DLST: variants seen among roughly 807,000 people sequenced by gnomAD.
The protein encoded by DLST is dihydrolipoyllysine-residue succinyltransferase component of 2-oxoglutarate dehydrogenase complex, mitochondrial.
DLST carries 17 observed loss-of-function variants against 53.1 expected under a neutral mutation model. That is an observed-to-expected ratio of 0.32 (90% CI 0.22 to 0.48). DLST has a LOEUF of 0.48. DLST is among the 20% of genes least tolerant of loss of function. DLST has a pLI of 0.99. For synonymous variants in DLST, 206 were observed against 204.8 expected, an observed-to-expected ratio of 1.01 and a Z score of -0.05; for missense variants, 512 against 583.9, an observed-to-expected ratio of 0.88 and a Z score of 1.27.
chr14:74,890,093 A>AT (rs1228154892), intron 6 of DLST, 141 bp downstream of exon 6: 13 of 535,092 alleles, frequency 2.4e-5, no homozygotes, highest in African/African-American at 4.8e-5. Flanking sequence ...GATTTGTTCA[A>AT]TTTAAAAAAA....
chr14:74,890,090 T>C, intron 6 of DLST, 138 bp downstream of exon 6: 1 of 533,060 alleles, frequency 1.9e-6, no homozygotes, highest in Non-Finnish European at 3.1e-6. Context: ...TTGGATTTGT[T>C]CAATTTAAAA....
At chr14:74,898,619 T>C (rs1054823417) in intron 11 of DLST, 120 bp downstream of exon 11, 9 of 1,231,372 alleles carry the variant, frequency 7.3e-6, no homozygotes, top group Admixed American at 5.9e-5. Flanking sequence ...TATAGAAATA[T>C]CAGTATCTTC....
At chr14:74,900,509 A>G in intron 13 of DLST, 137 bp downstream of exon 13, 1 of 702,066 alleles carries the variant, frequency 1.4e-6, no homozygotes, top group South Asian at 1.7e-5. Context: ...CATGAGAGCT[A>G]AGTATTTTAT....
intron 2 of DLST, among the ~76,000 whole-genome samples, chr14:74,883,745 A>G (rs1004119107): frequency 6.6e-6 from 1 of 152,232 alleles, no homozygotes; most frequent in Non-Finnish European, 1.5e-5. Flanking sequence ...AGCCTTGGCC[A>G]TGGTCACCCA....
intron 3 of DLST, among the ~76,000 whole-genome samples, chr14:74,886,183 C>T (rs1206557997): frequency 1.3e-5 from 2 of 152,196 alleles, no homozygotes; most frequent in Non-Finnish European, 2.9e-5. Context: ...GCTTTGCATT[C>T]CAAGTGTTTT....
intron 7 of DLST, chr14:74,891,390 A>C: frequency 1.6e-6 from 2 of 1,212,780 alleles, no homozygotes; most frequent in Non-Finnish European, 2.1e-6. Context: ...TGTTCTTTCC[A>C]TGGGTGTTTC....
In DLST at chr14:74,885,642, T is replaced by C; in HGVS notation, c.146+8T>C. Reference sequence around the variant, plus strand: ...TAACAGCAGGAAGGTTGTGTAAGTATCACTGGGGAGTACAGATATGTGGCC... The same window carrying C: ...TAACAGCAGGAAGGTTGTGTAAGTACCACTGGGGAGTACAGATATGTGGCC... On this transcript the variant is annotated splice_region_variant and intron_variant, in intron 3 of 14. Transcript: ENST00000334220. 6.2e-7 allele frequency: 1 copy of C among 1,611,504 alleles called. No individual in the cohort carries two copies. Among genetic ancestry groups the C allele is most frequent in the East Asian group, 2.2e-5 (1 of 44,862 alleles).
At chr14:74,898,863 C>G (rs572306706) in intron 11 of DLST, among the ~76,000 whole-genome samples, 1 of 152,346 alleles carries the variant, frequency 6.6e-6, no homozygotes, top group Admixed American at 6.5e-5. Context: ...CTGACTTCCA[C>G]AGTTGGTGTA....
At chr14:74,883,974 A>C (rs1883620367) in intron 2 of DLST, among the ~76,000 whole-genome samples, 1 of 152,224 alleles carries the variant, frequency 6.6e-6, no homozygotes, top group Admixed American at 6.5e-5. Flanking sequence ...CAAGGGCATA[A>C]ATTTTGGTTA....
At chr14:74,890,049 T>A in intron 6 of DLST, 97 bp downstream of exon 6, 1 of 985,744 alleles carries the variant, frequency 1.0e-6, no homozygotes, top group Non-Finnish European at 1.5e-6. Context: ...GAGATAATTT[T>A]TAACTAGCTC....
intron 3 of DLST, among the ~76,000 whole-genome samples, chr14:74,888,799 A>T (rs1045555465): frequency 1.3e-5 from 2 of 152,146 alleles, no homozygotes; most frequent in Non-Finnish European, 2.9e-5. Context: ...GCCAAATGTA[A>T]GTCTGTTTTG....
intron 11 of DLST, 99 bp downstream of exon 11, chr14:74,898,598 T>C: frequency 2.2e-6 from 3 of 1,395,078 alleles, no homozygotes; most frequent in Non-Finnish European, 2.9e-6. Flanking sequence ...CAAGGCTTTT[T>C]ATTTGCTACC....
intron 2 of DLST, among the ~76,000 whole-genome samples, chr14:74,883,202 C>G (rs7144000): frequency 0.32 from 48,348 of 150,842 alleles, 9,196 homozygotes; most frequent in African/African-American, 0.53. Flanking sequence ...GGCTGAGGCA[C>G]GAGAATGGCG....
At chr14:74,889,860 T>C in intron 5 of DLST, 37 bp from the exon 6 acceptor site, 1 of 1,611,744 alleles carries the variant, frequency 6.2e-7, no homozygotes, top group Non-Finnish European at 8.5e-7. Context: ...GGCTCCCCGC[T>C]AACAGGTAGC....
intron 9 of DLST, 27 bp from the exon 10 acceptor site, chr14:74,894,285 C>A: frequency 6.2e-7 from 1 of 1,612,774 alleles, no homozygotes; most frequent in South Asian, 1.1e-5. Flanking sequence ...ATCAGATTGT[C>A]AATGCTTGTT....
chr14:74,884,582 A>G (rs1024833771), intron 2 of DLST, among the ~76,000 whole-genome samples: 1 of 152,212 alleles, frequency 6.6e-6, no homozygotes, highest in African/African-American at 2.4e-5. Context: ...AAAGCTTTTT[A>G]TAAACCCTAA....
intron 3 of DLST, among the ~76,000 whole-genome samples, chr14:74,886,317 C>T (rs948721586): frequency 6.6e-6 from 1 of 152,178 alleles, no homozygotes; most frequent in African/African-American, 2.4e-5. Context: ...CTCTACATCA[C>T]AATGAGGGTT....
Position 74,892,820 on chromosome 14 carries a change from T to A in DLST, c.443-14T>A. ...CAGACAGTGCCAGTGGCATATACTT[T>A]TCTTGTTTTTCAGCTGCTCCTGCTA... On this transcript the variant is annotated splice_polypyrimidine_tract_variant and intron_variant, in intron 7 of 14. Transcript: ENST00000334220. 2.5e-6 allele frequency: 4 copies of A among 1,597,278 alleles called. No individual in the cohort carries two copies. The highest frequency in any genetic ancestry group is 3.4e-6 in the Non-Finnish European group (4 of 1,173,410).
At chr14:74,897,859 C>T (rs1884118236) in intron 10 of DLST, among the ~76,000 whole-genome samples, 1 of 151,944 alleles carries the variant, frequency 6.6e-6, no homozygotes, top group Admixed American at 6.6e-5. Flanking sequence ...CTCATGTACC[C>T]ATGAGCTGTT....
Sources: gnomAD v4.1 joint callset for allele counts (sites outside exome capture counted in the v4.1 genomes callset) on GRCh38, gnomAD v4.1.1 for gene constraint, MANE v1.5 for transcripts, NCBI Gene and HGNC (gene_info 2026-07-23, HGNC 2026-07-21) for gene names.